MINDY3: variants seen among roughly 807,000 people sequenced by gnomAD.
MINDY3 encodes the protein ubiquitin carboxyl-terminal hydrolase MINDY-3.
In MINDY3, 38 loss-of-function variants were observed where a neutral mutation model predicts 69.2. The ratio of observed to expected loss-of-function variants is 0.55; its 90% CI spans 0.42 to 0.72. The LOEUF (loss-of-function observed/expected upper bound fraction) is 0.72. Ranked by LOEUF, MINDY3 falls within the 30% of genes least tolerant of loss-of-function variation. The probability of loss-of-function intolerance (pLI) is 0.00; values close to 1 mark genes in which losing one functional copy is unlikely to be tolerated. For missense variants in MINDY3, 522 were observed against 519.0 expected (o/e 1.01, Z -0.06); for synonymous variants, 192 against 180.1 (o/e 1.07, Z -0.53).
chr10:15,797,424 C>T (rs1436594364), intron 10 of MINDY3, among the ~76,000 whole-genome samples: 5 of 152,144 alleles, frequency 3.3e-5, no homozygotes, highest in African/African-American at 1.2e-4. Context: ...GCATTTCCAA[C>T]ATTATTTTGC....
At chr10:15,835,589 G>C (rs1297366620) in intron 6 of MINDY3, among the ~76,000 whole-genome samples, 1 of 151,954 alleles carries the variant, frequency 6.6e-6, no homozygotes, top group Non-Finnish European at 1.5e-5. Context: ...GGTCAAGGAA[G>C]GACAACTTGC....
chr10:15,790,617 G>T (rs1234720113), intron 11 of MINDY3, among the ~76,000 whole-genome samples: 1 of 152,054 alleles, frequency 6.6e-6, no homozygotes, highest in Non-Finnish European at 1.5e-5. Flanking sequence ...GGAACAATTA[G>T]GTTTCTGTGT....
rs142701069 is a variant in MINDY3, at chr10:15,810,650, T to C, written c.882+6185A>G. Among the ~76,000 whole-genome samples, 70 of 152,226 alleles carry C rather than the reference T, an allele frequency of 4.6e-4. 1 individual carries two copies. Among genetic ancestry groups the C allele is most frequent in the African/African-American group, 1.5e-3 (62 of 41,536 alleles). On this transcript the variant is annotated intron_variant, in intron 10 of 14. Transcript: ENST00000277632. ...ATCTACAGTGTGTTCTATAATGTAT[T>C]TGGTCAACAAAAAGTCATTGAGCAC... is the stretch of plus-strand genomic sequence containing the variant.
intron 11 of MINDY3, among the ~76,000 whole-genome samples, chr10:15,790,046 T>C (rs944043893): frequency 6.6e-6 from 1 of 152,090 alleles, no homozygotes; most frequent in African/African-American, 2.4e-5. Context: ...CATTTACTCA[T>C]TCCTGAAGAT....
At chr10:15,789,609 G>T (rs1367687286) in intron 11 of MINDY3, among the ~76,000 whole-genome samples, 1 of 152,050 alleles carries the variant, frequency 6.6e-6, no homozygotes. Context: ...CGTTAAGTGG[G>T]TAAAATATTT....
intron 13 of MINDY3, among the ~76,000 whole-genome samples, chr10:15,784,356 C>CTT (rs1386843746): frequency 6.6e-6 from 1 of 152,202 alleles, no homozygotes; most frequent in Non-Finnish European, 1.5e-5. Context: ...ACAGGACCTA[C>CTT]TTGAAGCATT....
At chr10:15,854,184 C>T (rs778665410) in intron 1 of MINDY3, among the ~76,000 whole-genome samples, 16 of 152,056 alleles carry the variant, frequency 1.1e-4, no homozygotes, top group East Asian at 1.9e-4. Flanking sequence ...TTTTAGATTT[C>T]GTATTGCAAC....
intron 12 of MINDY3, among the ~76,000 whole-genome samples, chr10:15,788,070 T>G (rs1231747198): frequency 1.3e-5 from 2 of 151,270 alleles, no homozygotes; most frequent in Non-Finnish European, 2.9e-5. Flanking sequence ...TATGGAAGAA[T>G]TTGGAAAAAA....
intron 10 of MINDY3, among the ~76,000 whole-genome samples, chr10:15,796,417 A>T (rs567060723): frequency 6.6e-6 from 1 of 152,016 alleles, no homozygotes; most frequent in African/African-American, 2.4e-5. Flanking sequence ...TTTTACATAA[A>T]TACTTAAAAC....
At chr10:15,796,284 T>A (rs1338343049) in intron 10 of MINDY3, 112 bp from the exon 11 acceptor site, 5 of 796,202 alleles carry the variant, frequency 6.3e-6, no homozygotes, top group Middle Eastern at 2.4e-4. Context: ...GACTTTGAGT[T>A]ACATTTGTAT....
intron 8 of MINDY3, among the ~76,000 whole-genome samples, chr10:15,827,434 G>A (rs1164706248): frequency 1.3e-5 from 2 of 151,750 alleles, no homozygotes; most frequent in East Asian, 3.9e-4. Flanking sequence ...CCAGCTACTC[G>A]GGAGGCTGAG....
chr10:15,816,516 T>C (rs896164539), intron 10 of MINDY3, among the ~76,000 whole-genome samples: 1 of 151,984 alleles, frequency 6.6e-6, no homozygotes, highest in African/African-American at 2.4e-5. Flanking sequence ...TTTATCCTAC[T>C]TACAAAAAAA....
intron 9 of MINDY3, 137 bp downstream of exon 9, chr10:15,821,519 G>T (rs539639027): frequency 1.1e-3 from 620 of 575,688 alleles, no homozygotes; most frequent in Non-Finnish European, 1.6e-3. Context: ...GGTTTAGGGT[G>T]GGGGATAGGA....
chr10:15,779,519 C>G (rs895100120), intron 14 of MINDY3, among the ~76,000 whole-genome samples: 2 of 152,142 alleles, frequency 1.3e-5, no homozygotes, highest in African/African-American at 4.8e-5. Context: ...TACTGAGGTT[C>G]TCAGATGCTC....
intron 9 of MINDY3, 75 bp downstream of exon 9, chr10:15,821,581 A>G (rs1474930879): frequency 1.5e-5 from 17 of 1,111,334 alleles, no homozygotes; most frequent in Middle Eastern, 2.0e-4. Context: ...ATGTGCTGTC[A>G]GAGGAACAAA....
intron 1 of MINDY3, among the ~76,000 whole-genome samples, chr10:15,852,933 T>G (rs1042070803): frequency 2.6e-5 from 4 of 152,208 alleles, no homozygotes; most frequent in African/African-American, 9.7e-5. Flanking sequence ...AACAACTATT[T>G]GCATAGCATT....
intron 8 of MINDY3, among the ~76,000 whole-genome samples, chr10:15,826,396 T>C (rs1353593213): frequency 6.6e-6 from 1 of 152,206 alleles, no homozygotes; most frequent in East Asian, 1.9e-4. Context: ...TAGAATCAAG[T>C]ATATGGATTC....
At chr10:15,829,676 G>T (rs953332915) in intron 8 of MINDY3, among the ~76,000 whole-genome samples, 38 of 152,332 alleles carry the variant, frequency 2.5e-4, no homozygotes, top group African/African-American at 9.1e-4. Flanking sequence ...TAACTTGTCA[G>T]TTTGCAGAAT....
At chr10:15,781,433 G>A (rs1228175860) in intron 14 of MINDY3, among the ~76,000 whole-genome samples, 1 of 149,540 alleles carries the variant, frequency 6.7e-6, no homozygotes, top group Non-Finnish European at 1.5e-5. Context: ...TAACTAGTAT[G>A]TACTGTAACT....
Sources: gnomAD v4.1 joint callset for allele counts (sites outside exome capture counted in the v4.1 genomes callset) on GRCh38, gnomAD v4.1.1 for gene constraint, MANE v1.5 for transcripts, NCBI Gene and HGNC (gene_info 2026-07-23, HGNC 2026-07-21) for gene names.